Variants in AKAP13 observed in about 807,000 individuals in gnomAD.
The protein encoded by AKAP13 is A-kinase anchor protein 13.
AKAP13 carries 80 observed loss-of-function variants against 264.5 expected under a neutral mutation model. That is an observed-to-expected ratio of 0.30 (90% confidence interval 0.25 to 0.36). The LOEUF (loss-of-function observed/expected upper bound fraction) is 0.36. Ranked by LOEUF, AKAP13 falls within the 10% of genes least tolerant of loss-of-function variation. The pLI is 1.00. For synonymous variants in AKAP13, 1,380 were observed against 1,250.2 expected, an observed-to-expected ratio of 1.10 and a Z score of -2.19; for missense variants, 3,712 against 3,435.2, an observed-to-expected ratio of 1.08 and a Z score of -2.01.
chr15:85,500,471 A>G (rs1271409399), intron 2 of AKAP13, among the ~76,000 whole-genome samples: 3 of 152,214 alleles, frequency 2.0e-5, no homozygotes, highest in Admixed American at 6.5e-5. Flanking sequence ...AGATGAGACT[A>G]TTAGCTAGAT....
At chr15:85,408,864 A>C (rs1454412738) in intron 1 of AKAP13, among the ~76,000 whole-genome samples, 5 of 151,716 alleles carry the variant, frequency 3.3e-5, no homozygotes, top group African/African-American at 9.8e-5. Context: ...GCTGGATCAT[A>C]TGGTAATTCT....
intron 1 of AKAP13, among the ~76,000 whole-genome samples, chr15:85,383,041 G>C (rs1260382950): frequency 6.6e-6 from 1 of 151,208 alleles, no homozygotes; most frequent in Non-Finnish European, 1.5e-5. Context: ...TTAGAAATCA[G>C]CCCCCCCCTT....
chr15:85,542,751 C>A (rs2077615224), intron 4 of AKAP13, among the ~76,000 whole-genome samples: 2 of 152,170 alleles, frequency 1.3e-5, no homozygotes, highest in Non-Finnish European at 2.9e-5. Flanking sequence ...GAGAGTATTG[C>A]TAGTGAACCT....
chr15:85,470,296 C>T (rs1192539492), intron 1 of AKAP13, among the ~76,000 whole-genome samples: 8 of 151,232 alleles, frequency 5.3e-5, no homozygotes. Context: ...TCTCAAAAAA[C>T]CAAACCAAAC....
In AKAP13 at chr15:85,718,044, A is replaced by G. The variant is rs551895673; in HGVS notation, c.5886A>G (p.Gly1962=). The change falls in exon 22 of 37, where the codon GGA becomes GGG. Residue 1962 remains glycine (G), a synonymous_variant. Coordinates refer to ENST00000394518, the MANE Select transcript of AKAP13 (RefSeq NM_007200.5). This position sits in a 1 kb window ranked among gnomAD's most constrained non-coding sequence, Gnocchi z 4.9. ...GTDMNEGQLL[G]DFEIESKQLE... Reference sequence around the variant, plus strand: ...ACATGAATGAAGGACAACTACTGGGAGACTTTGAGATTGAGTCCAAACAGC... The same window carrying G: ...ACATGAATGAAGGACAACTACTGGGGGACTTTGAGATTGAGTCCAAACAGC... 54 of 1,614,172 alleles carry G rather than the reference A, an allele frequency of 3.3e-5. No individual in the cohort carries two copies. Among genetic ancestry groups the G allele is most frequent in the Non-Finnish European group, 4.6e-5 (54 of 1,180,014 alleles).
chr15:85,634,940 G>A (rs984734118), intron 8 of AKAP13, among the ~76,000 whole-genome samples: 3 of 151,588 alleles, frequency 2.0e-5, no homozygotes, highest in Admixed American at 2.0e-4. Flanking sequence ...AACATTGTAT[G>A]GATATATTAT....
At chr15:85,518,949 T>C (rs1326511673) in intron 2 of AKAP13, among the ~76,000 whole-genome samples, 1 of 152,254 alleles carries the variant, frequency 6.6e-6, no homozygotes, top group East Asian at 1.9e-4. Flanking sequence ...CCACCTCCTC[T>C]GTCCCCAAAG....
intron 8 of AKAP13, among the ~76,000 whole-genome samples, chr15:85,594,267 G>C (rs1186534346): frequency 1.3e-5 from 2 of 152,168 alleles, no homozygotes; most frequent in Non-Finnish European, 2.9e-5. Context: ...ATTGAACTCT[G>C]TGCTAGGCCT....
intron 1 of AKAP13, among the ~76,000 whole-genome samples, chr15:85,409,312 G>C (rs1424649740): frequency 6.6e-6 from 1 of 151,552 alleles, no homozygotes; most frequent in Non-Finnish European, 1.5e-5. Flanking sequence ...TGAGTAGCTG[G>C]GATGAAAGAG....
At chr15:85,697,418 A>C (rs1002857262) in intron 17 of AKAP13, among the ~76,000 whole-genome samples, 1 of 152,148 alleles carries the variant, frequency 6.6e-6, no homozygotes, top group Non-Finnish European at 1.5e-5. Context: ...AAAATACAAA[A>C]ATTAGCCAGG....
chr15:85,682,037 C>T, intron 14 of AKAP13, 121 bp from the exon 15 acceptor site: 1 of 839,952 alleles, frequency 1.2e-6, no homozygotes, highest in Non-Finnish European at 2.0e-6. Context: ...GAGGAGGTAC[C>T]ATGTGCTGAC....
At chr15:85,639,334 A>G in intron 8 of AKAP13, 40 bp from the exon 9 acceptor site, 1 of 1,405,384 alleles carries the variant, frequency 7.1e-7, no homozygotes, top group Non-Finnish European at 1.0e-6. Context: ...ATCTCACATT[A>G]CTTCAATGTC....
Position 85,693,182 on chromosome 15 carries a change from C to T in AKAP13, c.5290-95C>T, listed in dbSNP as rs1245327865. On this transcript the variant is annotated intron_variant, in intron 16 of 36. Coordinates refer to ENST00000394518, the MANE Select transcript of AKAP13 (RefSeq NM_007200.5). ...TCTCACTCCTTTCCAAAATAGTCAC[C>T]AGCTGTTGTTAACCACATGCCATCT... 10 of 1,411,746 alleles carry T rather than the reference C, an allele frequency of 7.1e-6. No homozygotes were observed. In the South Asian group the frequency reaches 8.4e-5, roughly 12 times the overall value. 87.5% of individuals were successfully genotyped at this position (1,411,746 alleles called of 1,614,324 possible).
chr15:85,452,611 T>A (rs568784398), intron 1 of AKAP13, among the ~76,000 whole-genome samples: 206 of 152,342 alleles, frequency 1.4e-3, no homozygotes, highest in African/African-American at 4.4e-3. Flanking sequence ...GACTTCTTGT[T>A]TCTGGTTTCA....
intron 8 of AKAP13, among the ~76,000 whole-genome samples, chr15:85,597,915 G>C (rs1468889554): frequency 6.6e-6 from 1 of 152,018 alleles, no homozygotes; most frequent in Non-Finnish European, 1.5e-5. Flanking sequence ...TGTGAAAAAT[G>C]GAAGAGCCTT....
intron 1 of AKAP13, among the ~76,000 whole-genome samples, chr15:85,415,831 G>A (rs2072217861): frequency 2.6e-5 from 4 of 151,100 alleles, no homozygotes; most frequent in African/African-American, 9.7e-5. Flanking sequence ...ATAAATAAAT[G>A]TGTTTGTGCT....
At chr15:85,613,999 T>A (rs118077618) in intron 8 of AKAP13, among the ~76,000 whole-genome samples, 1 of 152,146 alleles carries the variant, frequency 6.6e-6, no homozygotes, top group African/African-American at 2.4e-5. Context: ...GACCTGATAC[T>A]GTAAGTCACA....
At chr15:85,538,880 G>T (rs1423518046) in intron 4 of AKAP13, among the ~76,000 whole-genome samples, 1 of 149,496 alleles carries the variant, frequency 6.7e-6, no homozygotes, top group African/African-American at 2.5e-5. Flanking sequence ...CCCCAGGCTA[G>T]AGTGCAGTGG....
At chr15:85,697,091 C>G (rs934401084) in intron 17 of AKAP13, among the ~76,000 whole-genome samples, 4 of 152,128 alleles carry the variant, frequency 2.6e-5, no homozygotes, top group Non-Finnish European at 5.9e-5. Flanking sequence ...CTTGAGGGAC[C>G]CAGCCTGTAG....
Sources: allele counts gnomAD v4.1 joint callset (sites outside exome capture counted in the v4.1 genomes callset), GRCh38; gene constraint gnomAD v4.1.1; non-coding constraint Gnocchi (gnomAD v3.1); transcripts MANE v1.5; gene names NCBI Gene and HGNC (gene_info 2026-07-23, HGNC 2026-07-21).